Variants in CTNND2 observed in about 807,000 individuals in gnomAD.
The protein encoded by CTNND2 is catenin delta 2, also known as catenin delta-2.
Under a neutral mutation model 144.4 loss-of-function variants are expected in CTNND2, and 22 were observed. That is an observed-to-expected ratio of 0.15 (90% CI 0.11 to 0.22). CTNND2 has a LOEUF of 0.22. Among genes scored for constraint, CTNND2 ranks in the 10% least tolerant of loss-of-function variants. The pLI is 1.00. For missense variants in CTNND2, 1,353 were observed against 1,618.8 expected, an observed-to-expected ratio of 0.84 and a Z score of 2.82; for synonymous variants, 751 against 695.6, an observed-to-expected ratio of 1.08 and a Z score of -1.25.
At chr5:11,838,658 C>T (rs1208130320) in intron 1 of CTNND2, among the ~76,000 whole-genome samples, 7 of 152,168 alleles carry the variant, frequency 4.6e-5, no homozygotes, top group Non-Finnish European at 1.0e-4. Flanking sequence ...CTCCCTCAAG[C>T]CTATCCTGAA....
At chr5:11,024,890 G>C (rs1742654077) in intron 16 of CTNND2, among the ~76,000 whole-genome samples, 1 of 152,170 alleles carries the variant, frequency 6.6e-6, no homozygotes, top group African/African-American at 2.4e-5. Context: ...ATAATAAGTA[G>C]ATGGCAGGGT....
chr5:11,448,813 C>T (rs1054518270), intron 3 of CTNND2, among the ~76,000 whole-genome samples: 5 of 151,918 alleles, frequency 3.3e-5, no homozygotes, highest in African/African-American at 1.2e-4. Flanking sequence ...GAACTATAGG[C>T]GTGCACCACC....
At chr5:11,896,937 C>T (rs1263816133) in intron 1 of CTNND2, among the ~76,000 whole-genome samples, 1 of 152,108 alleles carries the variant, frequency 6.6e-6, no homozygotes, top group Non-Finnish European at 1.5e-5. Flanking sequence ...CTTTTTCAAC[C>T]TGAGTTAAGC....
chr5:11,787,867 T>C (rs927571564), intron 1 of CTNND2, among the ~76,000 whole-genome samples: 5 of 152,204 alleles, frequency 3.3e-5, no homozygotes, highest in African/African-American at 1.2e-4. Context: ...CTTAATGTAC[T>C]TTTCCTTAGA....
intron 2 of CTNND2, among the ~76,000 whole-genome samples, chr5:11,625,979 C>A (rs980241340): frequency 4.6e-5 from 7 of 152,056 alleles, no homozygotes; most frequent in Admixed American, 4.6e-4. Flanking sequence ...TGAATATATT[C>A]ATTTCACTCC....
chr5:11,844,193 T>C (rs956022), intron 1 of CTNND2, among the ~76,000 whole-genome samples: 2,662 of 152,270 alleles, frequency 0.017, 82 homozygotes, highest in African/African-American at 0.06. Context: ...CCCATGCATA[T>C]TTATTTTAAT....
intron 16 of CTNND2, among the ~76,000 whole-genome samples, chr5:11,058,528 G>A (rs1338036355): frequency 6.6e-6 from 1 of 152,230 alleles, no homozygotes; most frequent in Non-Finnish European, 1.5e-5. Flanking sequence ...GAAACGCCTG[G>A]ATGTCCAGGC....
intron 18 of CTNND2, among the ~76,000 whole-genome samples, chr5:11,016,147 T>C (rs527982406): frequency 2.3e-4 from 35 of 152,326 alleles, no homozygotes; most frequent in Non-Finnish European, 3.7e-4. Flanking sequence ...CTAATTTCCA[T>C]AGGGCCTTGA....
chr5:11,884,519 C>G (rs1257721671), intron 1 of CTNND2, among the ~76,000 whole-genome samples: 3 of 152,106 alleles, frequency 2.0e-5, no homozygotes. Flanking sequence ...GGCCACTGTT[C>G]TGTTCCATTG....
At chr5:11,269,697 G>A (rs1745800819) in intron 9 of CTNND2, among the ~76,000 whole-genome samples, 1 of 152,142 alleles carries the variant, frequency 6.6e-6, no homozygotes, top group South Asian at 2.1e-4. Context: ...CAAAAAAGGT[G>A]CCTCTCTTTG....
At chr5:10,991,141 C>T (rs1738629298) in intron 19 of CTNND2, among the ~76,000 whole-genome samples, 1 of 152,212 alleles carries the variant, frequency 6.6e-6, no homozygotes, top group Non-Finnish European at 1.5e-5. Flanking sequence ...TAAGCAATGA[C>T]AGTACACTAG....
chr5:11,332,652 C>T (rs1210156041), intron 9 of CTNND2, among the ~76,000 whole-genome samples: 1 of 152,164 alleles, frequency 6.6e-6, no homozygotes, highest in Non-Finnish European at 1.5e-5. Context: ...CCCCTTCCCA[C>T]ATCCCCAGGA....
intron 1 of CTNND2, among the ~76,000 whole-genome samples, chr5:11,836,936 G>T (rs1794215646): frequency 6.6e-6 from 1 of 152,190 alleles, no homozygotes; most frequent in Admixed American, 6.5e-5. Context: ...GCTCCAAGCG[G>T]GGCCGCTCTG....
At chr5:11,240,792 ACCCC>A (rs371811041) in intron 9 of CTNND2, among the ~76,000 whole-genome samples, 2 of 106,938 alleles carry the variant, frequency 1.9e-5, no homozygotes, top group African/African-American at 7.4e-5. Flanking sequence ...CACACCCCCA[ACCCC>A]CACACACCCA....
chr5:11,584,706 C>G (rs532297291), intron 2 of CTNND2, among the ~76,000 whole-genome samples: 2 of 152,242 alleles, frequency 1.3e-5, no homozygotes, highest in Non-Finnish European at 2.9e-5. Flanking sequence ...AATGCACCCA[C>G]TTTTGCTCTG....
chr5:11,736,406 A>AC (rs1464467511), intron 1 of CTNND2, among the ~76,000 whole-genome samples: 1 of 152,200 alleles, frequency 6.6e-6, no homozygotes, highest in African/African-American at 2.4e-5. Flanking sequence ...AGCTACCGCT[A>AC]CCTAAAGCAA....
intron 2 of CTNND2, among the ~76,000 whole-genome samples, chr5:11,674,606 TG>T (rs1307387636): frequency 6.6e-6 from 1 of 152,256 alleles, no homozygotes; most frequent in Admixed American, 6.5e-5. Context: ...TATAACAACA[TG>T]CATAGATAAA....
At chr5:11,594,725 T>A (rs1779420620) in intron 2 of CTNND2, among the ~76,000 whole-genome samples, 1 of 152,170 alleles carries the variant, frequency 6.6e-6, no homozygotes, top group African/African-American at 2.4e-5. Context: ...GTTCATGATG[T>A]CCATGTCCTG....
intron 16 of CTNND2, among the ~76,000 whole-genome samples, chr5:11,027,798 C>T (rs1743014328): frequency 6.6e-6 from 1 of 152,154 alleles, no homozygotes; most frequent in African/African-American, 2.4e-5. Context: ...CTCAGGAGAC[C>T]TAACAAACCA....
Sources: allele counts gnomAD v4.1 joint callset (sites outside exome capture counted in the v4.1 genomes callset), GRCh38; gene constraint gnomAD v4.1.1; transcripts MANE v1.5; gene names NCBI Gene and HGNC (gene_info 2026-07-23, HGNC 2026-07-21).